Variants in DCC observed in about 807,000 individuals in gnomAD.
The protein encoded by DCC is DCC netrin 1 receptor, also known as netrin receptor DCC.
Under a neutral mutation model 172.5 loss-of-function variants are expected in DCC, and 58 were observed. The observed-to-expected ratio is 0.34, with a 90% CI of 0.27 to 0.42. The LOEUF (loss-of-function observed/expected upper bound fraction) is 0.42. DCC is among the 10% of genes least tolerant of loss of function. The probability of loss-of-function intolerance (pLI) is 1.00; values close to 1 mark genes in which losing one functional copy is unlikely to be tolerated. For synonymous variants in DCC, 709 were observed against 644.5 expected (o/e 1.10, Z -1.52); for missense variants, 1,740 against 1,791.0 (o/e 0.97, Z 0.51).
At chr18:53,221,454 G>C (rs2055931323) in intron 12 of DCC, among the ~76,000 whole-genome samples, 1 of 152,134 alleles carries the variant, frequency 6.6e-6, no homozygotes, top group South Asian at 2.1e-4. Context: ...GTGGCTAGAT[G>C]AAAAGTGAAC....
chr18:53,023,757 G>C (rs1305197944), intron 5 of DCC, among the ~76,000 whole-genome samples: 3 of 152,080 alleles, frequency 2.0e-5, no homozygotes, highest in Non-Finnish European at 4.4e-5. Context: ...TTAAAGAAAT[G>C]TCTGTGAAAT....
At chr18:52,689,825 A>G (rs147869985) in intron 1 of DCC, among the ~76,000 whole-genome samples, 245 of 152,248 alleles carry the variant, frequency 1.6e-3, no homozygotes, top group Middle Eastern at 3.4e-3. Flanking sequence ...GTGAGGAGAT[A>G]ATGGGCCATG....
At chr18:53,082,622 A>G (rs1272650244) in intron 7 of DCC, among the ~76,000 whole-genome samples, 1 of 152,160 alleles carries the variant, frequency 6.6e-6, no homozygotes, top group African/African-American at 2.4e-5. Flanking sequence ...ATGACATTAT[A>G]CATTGTAAAT....
chr18:52,398,005 G>A (rs915332351), intron 1 of DCC, among the ~76,000 whole-genome samples: 1 of 151,962 alleles, frequency 6.6e-6, no homozygotes, highest in African/African-American at 2.4e-5. Flanking sequence ...TAATAGGGCT[G>A]GGCTTCAAGG....
At position 53,217,798 on chromosome 18, in the gene DCC, T is replaced by G. The variant is rs111459764; in HGVS notation, c.1911+2201T>G. ...TTTAAAAAGAAACATTATAGTTGAATAAATAATGTGTTCTTTTTTAATACT... is the reference window on the plus strand; with the variant it reads ...TTTAAAAAGAAACATTATAGTTGAAGAAATAATGTGTTCTTTTTTAATACT... On this transcript the variant is annotated intron_variant, in intron 12 of 28. Coordinates refer to ENST00000442544, the MANE Select transcript of DCC (RefSeq NM_005215.4). 1.7e-3 allele frequency among the ~76,000 whole-genome samples: 266 copies of G among 152,250 alleles called. 2 individuals carry two copies. The highest frequency in any genetic ancestry group is 6.3e-3 in the African/African-American group (262 of 41,566).
chr18:52,927,211 A>G (rs1487359630), intron 5 of DCC, among the ~76,000 whole-genome samples: 25 of 130,790 alleles, frequency 1.9e-4, no homozygotes, highest in East Asian at 9.1e-4. Context: ...GTATATGTAC[A>G]TATACACATA....
chr18:52,556,026 T>C (rs1030059165), intron 1 of DCC, among the ~76,000 whole-genome samples: 6 of 152,178 alleles, frequency 3.9e-5, no homozygotes, highest in African/African-American at 1.4e-4. Flanking sequence ...GTCTATCCTT[T>C]TAGTGAAGAA....
chr18:52,780,522 C>G (rs748110562), intron 2 of DCC, among the ~76,000 whole-genome samples: 19 of 152,052 alleles, frequency 1.2e-4, no homozygotes, highest in Non-Finnish European at 2.5e-4. Flanking sequence ...TTATATGACA[C>G]AGGAACCTTT....
chr18:52,551,206 G>A (rs116948425), intron 1 of DCC, among the ~76,000 whole-genome samples: 7,269 of 152,040 alleles, frequency 0.048, 219 homozygotes, highest in Non-Finnish European at 0.059. Flanking sequence ...GACATAATGG[G>A]CACTTGGCAG....
At chr18:52,471,432 G>C (rs1988942439) in intron 1 of DCC, among the ~76,000 whole-genome samples, 1 of 152,212 alleles carries the variant, frequency 6.6e-6, no homozygotes, top group Non-Finnish European at 1.5e-5. Flanking sequence ...GTATCATTAT[G>C]GAGGGTTATC....
chr18:53,402,129 G>A (rs1198728082), intron 18 of DCC, among the ~76,000 whole-genome samples: 2 of 152,086 alleles, frequency 1.3e-5, no homozygotes, highest in Non-Finnish European at 2.9e-5. Flanking sequence ...TATAGACTTA[G>A]GTGACATTTT....
intron 7 of DCC, among the ~76,000 whole-genome samples, chr18:53,098,373 A>G (rs1011310502): frequency 2.6e-5 from 4 of 152,162 alleles, no homozygotes; most frequent in Non-Finnish European, 4.4e-5. Flanking sequence ...ATCCAGGATC[A>G]TTCATTGTAC....
At chr18:52,534,377 A>G (rs966961417) in intron 1 of DCC, among the ~76,000 whole-genome samples, 1 of 152,110 alleles carries the variant, frequency 6.6e-6, no homozygotes, top group African/African-American at 2.4e-5. Context: ...TGAGAACAAA[A>G]TTTTAATACC....
chr18:52,539,784 G>T (rs889745186), intron 1 of DCC, among the ~76,000 whole-genome samples: 1 of 152,024 alleles, frequency 6.6e-6, no homozygotes, highest in African/African-American at 2.4e-5. Flanking sequence ...CACAAAAACA[G>T]GATAACTATG....
intron 1 of DCC, among the ~76,000 whole-genome samples, chr18:52,601,891 C>T (rs575725987): frequency 5.8e-4 from 89 of 152,148 alleles, no homozygotes; most frequent in African/African-American, 2.1e-3. Context: ...GCACATTTTT[C>T]TGTAATTTTC....
intron 1 of DCC, among the ~76,000 whole-genome samples, chr18:52,700,552 ATTCT>A (rs1175093750): frequency 5.3e-5 from 8 of 152,184 alleles, no homozygotes; most frequent in Middle Eastern, 3.2e-3. Flanking sequence ...TGCCTGCTAT[ATTCT>A]TTCTATCATG....
At chr18:52,566,128 G>T (rs1326051863) in intron 1 of DCC, among the ~76,000 whole-genome samples, 1 of 152,088 alleles carries the variant, frequency 6.6e-6, no homozygotes, top group Non-Finnish European at 1.5e-5. Flanking sequence ...TGTCAGGTTT[G>T]TCAAAGATCA....
At chr18:52,610,417 A>AAAGAAT (rs2034254741) in intron 1 of DCC, among the ~76,000 whole-genome samples, 3 of 144,088 alleles carry the variant, frequency 2.1e-5, no homozygotes, top group Non-Finnish European at 4.5e-5. Context: ...AGAAAAAGAA[A>AAAGAAT]AAGAAAAAAA....
intron 1 of DCC, among the ~76,000 whole-genome samples, chr18:52,670,015 A>G (rs956783580): frequency 1.3e-5 from 2 of 152,192 alleles, no homozygotes; most frequent in East Asian, 3.9e-4. Context: ...GCCTATGGGA[A>G]GAGGGTTTCC....
Sources: gnomAD v4.1 joint callset for allele counts (sites outside exome capture counted in the v4.1 genomes callset) on GRCh38, gnomAD v4.1.1 for gene constraint, MANE v1.5 for transcripts, NCBI Gene and HGNC (gene_info 2026-07-23, HGNC 2026-07-21) for gene names.